RAPGEF5: variants seen among roughly 807,000 people sequenced by gnomAD.
RAPGEF5 encodes M-Ras-regulated GEF.
RAPGEF5 carries 65 observed loss-of-function variants against 125.2 expected under a neutral mutation model. The observed-to-expected ratio is 0.52, with a 90% CI of 0.43 to 0.64. RAPGEF5 has a LOEUF of 0.64. Ranked by LOEUF, RAPGEF5 falls within the 30% of genes least tolerant of loss-of-function variation. The pLI, the probability that RAPGEF5 is intolerant of heterozygous loss-of-function variation, is 0.00. For synonymous variants in RAPGEF5, 391 were observed against 385.9 expected (o/e 1.01, Z -0.16); for missense variants, 958 against 1,048.1 (o/e 0.91, Z 1.19).
At chr7:22,302,060 C>T (rs111522373) in intron 5 of RAPGEF5, among the ~76,000 whole-genome samples, 2,550 of 152,260 alleles carry the variant, frequency 0.017, 66 homozygotes, top group African/African-American at 0.058. Flanking sequence ...GTAAGTCGCT[C>T]CACAGAGTGC....
chr7:22,279,445 T>C (rs2128144397), intron 6 of RAPGEF5, among the ~76,000 whole-genome samples: 1 of 152,320 alleles, frequency 6.6e-6, no homozygotes, highest in East Asian at 1.9e-4. Flanking sequence ...TATATTCTTG[T>C]GCATAGTTTC....
intron 1 of RAPGEF5, among the ~76,000 whole-genome samples, chr7:22,340,329 A>G: frequency 6.6e-6 from 1 of 152,194 alleles, no homozygotes; most frequent in East Asian, 1.9e-4. Context: ...CACAAAGCCA[A>G]AGGAAACCTA....
At chr7:22,157,154 C>T (rs1033540569) in intron 15 of RAPGEF5, among the ~76,000 whole-genome samples, 1 of 152,238 alleles carries the variant, frequency 6.6e-6, no homozygotes, top group Non-Finnish European at 1.5e-5. Flanking sequence ...TTTTTCACAT[C>T]TGGCTATTAC....
chr7:22,195,340 A>G (rs533535819), intron 9 of RAPGEF5, among the ~76,000 whole-genome samples: 12 of 152,338 alleles, frequency 7.9e-5, no homozygotes, highest in Non-Finnish European at 1.6e-4. Flanking sequence ...TTGTGACTTT[A>G]CCTCCTGGTA....
chr7:22,139,348 G>A (rs1009839879), intron 21 of RAPGEF5, among the ~76,000 whole-genome samples: 6 of 152,292 alleles, frequency 3.9e-5, no homozygotes, highest in Middle Eastern at 6.8e-3. Context: ...AAAGGAGAGC[G>A]AAGGAAACAA....
chr7:22,301,416 C>G (rs1039359761), intron 5 of RAPGEF5, among the ~76,000 whole-genome samples: 4 of 152,008 alleles, frequency 2.6e-5, no homozygotes, highest in South Asian at 2.1e-4. Context: ...GAGATCGAGA[C>G]CATCCTGGCT....
chr7:22,151,177 C>T (rs1408518777), intron 17 of RAPGEF5, among the ~76,000 whole-genome samples: 1 of 152,108 alleles, frequency 6.6e-6, no homozygotes, highest in Non-Finnish European at 1.5e-5. Context: ...GGGCCTGGCA[C>T]ATAACTGGGG....
At chr7:22,345,472 G>T (rs1225781188) in intron 1 of RAPGEF5, among the ~76,000 whole-genome samples, 1 of 152,102 alleles carries the variant, frequency 6.6e-6, no homozygotes, top group Non-Finnish European at 1.5e-5. Context: ...TTCACAGACG[G>T]TGAGGCCGCA....
intron 6 of RAPGEF5, among the ~76,000 whole-genome samples, chr7:22,279,784 A>C (rs1432537779): frequency 6.6e-6 from 1 of 152,250 alleles, no homozygotes; most frequent in East Asian, 1.9e-4. Flanking sequence ...ACTTCAAGTC[A>C]AATGACAGGG....
chr7:22,316,227 A>T (rs1197011078), intron 2 of RAPGEF5, among the ~76,000 whole-genome samples: 1 of 151,922 alleles, frequency 6.6e-6, no homozygotes, highest in Non-Finnish European at 1.5e-5. Flanking sequence ...GCTGTTTCAC[A>T]AGCAAAGGGG....
intron 7 of RAPGEF5, among the ~76,000 whole-genome samples, chr7:22,252,044 T>A (rs1022273926): frequency 5.9e-5 from 9 of 152,298 alleles, no homozygotes; most frequent in Admixed American, 5.2e-4. Flanking sequence ...GGAGCTGCAA[T>A]GCTGGAAGCT....
chr7:22,290,811 GC>G (rs1414524638), intron 6 of RAPGEF5, among the ~76,000 whole-genome samples: 2 of 151,224 alleles, frequency 1.3e-5, no homozygotes, highest in East Asian at 3.9e-4. Context: ...TAGTGACCCG[GC>G]CTTTTTTGGC....
At chr7:22,343,740 G>A (rs527265528) in intron 1 of RAPGEF5, among the ~76,000 whole-genome samples, 1 of 152,170 alleles carries the variant, frequency 6.6e-6, no homozygotes, top group African/African-American at 2.4e-5. Flanking sequence ...AGGAACCAAA[G>A]GTGTAATTAT....
At chr7:22,353,023 G>T (rs896346028) in intron 1 of RAPGEF5, among the ~76,000 whole-genome samples, 4 of 152,162 alleles carry the variant, frequency 2.6e-5, no homozygotes, top group African/African-American at 9.7e-5. Context: ...TGCGTCTCAC[G>T]ATGTGATGCA....
In RAPGEF5 at chr7:22,162,491, C is replaced by T. The variant is rs770113566; in HGVS notation, c.1334G>A (p.Arg445His). The T allele has an allele frequency of 1.2e-5, 19 of 1,608,352 alleles. No individual in the cohort carries two copies. The highest frequency in any genetic ancestry group is 8.9e-5 in the East Asian group (4 of 44,842). The change falls in exon 13 of 26, where the codon CGT (arginine) becomes CAT (histidine). Residue 445 changes from arginine to histidine, a missense_variant. Arg to His is a conservative substitution (Grantham distance 29). Transcript: ENST00000665637. ...AAGATGCAAGACTTTACGTTTCCTA[C>T]GCGGAACGTCTGAGTTTTCCTCTTT... ...QGKEENSDVP[R>H]RKRKVLHLVS... is the part of the protein sequence containing the mutation.
chr7:22,242,940 T>TC (rs1436513205), intron 7 of RAPGEF5, among the ~76,000 whole-genome samples: 8 of 110,170 alleles, frequency 7.3e-5, no homozygotes, highest in Non-Finnish European at 1.4e-4. Context: ...AGAGTGAAAC[T>TC]CCGTCTCAAA....
chr7:22,234,837 A>G (rs1175908866), intron 7 of RAPGEF5, among the ~76,000 whole-genome samples: 2 of 152,034 alleles, frequency 1.3e-5, no homozygotes, highest in Non-Finnish European at 2.9e-5. Context: ...ACAAACAAAC[A>G]ACAACAACAA....
chr7:22,126,472 G>C (rs1782749341), intron 24 of RAPGEF5, among the ~76,000 whole-genome samples: 3 of 152,194 alleles, frequency 2.0e-5, no homozygotes, highest in Admixed American at 2.0e-4. Context: ...GATGTGCAGA[G>C]CCTACTATGT....
intron 1 of RAPGEF5, among the ~76,000 whole-genome samples, chr7:22,331,699 C>T (rs974004317): frequency 2.1e-5 from 3 of 146,276 alleles, no homozygotes; most frequent in Non-Finnish European, 4.5e-5. Flanking sequence ...GAGTGGAGAT[C>T]GCACCATTGC....
Sources: allele counts gnomAD v4.1 joint callset (sites outside exome capture counted in the v4.1 genomes callset), GRCh38; gene constraint gnomAD v4.1.1; transcripts MANE v1.5; gene names NCBI Gene and HGNC (gene_info 2026-07-23, HGNC 2026-07-21).